Variants in BRAF observed in about 807,000 individuals in gnomAD.
The protein encoded by BRAF is B-Raf proto-oncogene, serine/threonine kinase.
Under a neutral mutation model 104.6 loss-of-function variants are expected in BRAF, and 16 were observed. That is an observed-to-expected ratio of 0.15 (90% CI 0.10 to 0.23). The LOEUF is 0.23. BRAF is among the 10% of genes least tolerant of loss of function. The pLI is 1.00. For synonymous variants in BRAF, 310 were observed against 341.6 expected, an observed-to-expected ratio of 0.91 and a Z score of 1.02; for missense variants, 541 against 937.3, an observed-to-expected ratio of 0.58 and a Z score of 5.52.
intron 1 of BRAF, among the ~76,000 whole-genome samples, chr7:140,857,703 T>C (rs978504554): frequency 3.3e-5 from 5 of 152,154 alleles, no homozygotes; most frequent in Admixed American, 1.3e-4. Context: ...TATCTATTAT[T>C]ATTCAAGAAG....
At chr7:140,804,630 G>A (rs1203267657) in intron 5 of BRAF, among the ~76,000 whole-genome samples, 1 of 151,434 alleles carries the variant, frequency 6.6e-6, no homozygotes. Flanking sequence ...GTTTTTCAGA[G>A]TTTTAATCAC....
At position 140,721,300 on chromosome 7, in the gene BRAF, T is replaced by A; in HGVS notation, c.*5194A>T. 8.6e-7 allele frequency: 1 copy of A among 1,162,546 alleles called. No homozygotes were observed. Among genetic ancestry groups the A allele is most frequent in the South Asian group, 4.4e-5 (1 of 22,886 alleles). The allele number at this position is 1,162,546 out of a possible 1,614,324, so 72.0% of individuals were successfully genotyped here. On this transcript the variant is annotated 3_prime_UTR_variant, in exon 20 of 20. Coordinates refer to ENST00000644969, the MANE Select transcript of BRAF (RefSeq NM_001374258.1). Reference sequence around the variant, plus strand: ...GCCGACTAATTGCCCCATGCATTTTTTTTTTTTAAAGCACTGTTACCTTAA... The same window carrying A: ...GCCGACTAATTGCCCCATGCATTTTATTTTTTTAAAGCACTGTTACCTTAA...
intron 1 of BRAF, among the ~76,000 whole-genome samples, chr7:140,853,320 T>A (rs1809401241): frequency 6.6e-6 from 1 of 151,518 alleles, no homozygotes; most frequent in Admixed American, 6.6e-5. Flanking sequence ...GAGGCTGCAA[T>A]GAGCTGTGAT....
chr7:140,795,064 A>C (rs1332904006), intron 7 of BRAF, among the ~76,000 whole-genome samples: 3 of 152,198 alleles, frequency 2.0e-5, no homozygotes, highest in Non-Finnish European at 4.4e-5. Context: ...CCCATTATTG[A>C]TAACAGAGAC....
In BRAF at chr7:140,720,394, AAACT is replaced by A; in HGVS notation, c.*6096_*6099del. On this transcript the variant is annotated 3_prime_UTR_variant, in exon 20 of 20. Coordinates refer to ENST00000644969, the MANE Select transcript of BRAF (RefSeq NM_001374258.1). ...CACAGAGACATACACCCCTGTATGT[AAACT>A]AACATAACATGAAGATAAATAAGAC... The A allele has an allele frequency of 2.8e-6, 3 of 1,062,164 alleles. No homozygotes were observed. The highest frequency in any genetic ancestry group is 3.4e-6 in the Non-Finnish European group (3 of 877,270). 65.8% of individuals were successfully genotyped at this position (1,062,164 alleles called of 1,614,324 possible).
intron 1 of BRAF, among the ~76,000 whole-genome samples, chr7:140,901,869 T>A (rs1057099522): frequency 4.6e-5 from 7 of 152,236 alleles, no homozygotes; most frequent in African/African-American, 1.4e-4. Context: ...TTTATTTATC[T>A]ACTTCTACCA....
At chr7:140,811,695 T>A (rs573093243) in intron 3 of BRAF, among the ~76,000 whole-genome samples, 1 of 152,266 alleles carries the variant, frequency 6.6e-6, no homozygotes, top group East Asian at 1.9e-4. Context: ...GTACAAAAAA[T>A]TTAGTTTGGT....
intron 13 of BRAF, among the ~76,000 whole-genome samples, chr7:140,777,584 C>G (rs1192206603): frequency 6.6e-6 from 1 of 152,156 alleles, no homozygotes. Context: ...CCCCGTTACA[C>G]CTCTAGAATC....
At chr7:140,902,314 G>A (rs1386275109) in intron 1 of BRAF, among the ~76,000 whole-genome samples, 1 of 152,208 alleles carries the variant, frequency 6.6e-6, no homozygotes, top group African/African-American at 2.4e-5. Flanking sequence ...ATATAAGGCA[G>A]TGAACTTCTT....
intron 3 of BRAF, among the ~76,000 whole-genome samples, chr7:140,832,024 G>C (rs561838479): frequency 1.7e-4 from 26 of 152,052 alleles, no homozygotes; most frequent in Admixed American, 6.5e-5. Flanking sequence ...GCTTATTTAC[G>C]TAACCATTCA....
At chr7:140,875,421 G>A (rs189111931) in intron 1 of BRAF, among the ~76,000 whole-genome samples, 1 of 152,190 alleles carries the variant, frequency 6.6e-6, no homozygotes, top group Non-Finnish European at 1.5e-5. Flanking sequence ...TGTCGCCCAG[G>A]CTGGAGTACA....
intron 1 of BRAF, among the ~76,000 whole-genome samples, chr7:140,904,930 T>C (rs558692570): frequency 1.2e-4 from 17 of 136,954 alleles, no homozygotes; most frequent in African/African-American, 1.4e-4. Flanking sequence ...GTATTAATAG[T>C]TGCTCAATTT....
chr7:140,853,762 C>G (rs1181468992), intron 1 of BRAF, among the ~76,000 whole-genome samples: 1 of 152,068 alleles, frequency 6.6e-6, no homozygotes, highest in East Asian at 1.9e-4. Context: ...CTTCTATGCC[C>G]TTTGTTAATT....
At chr7:140,918,849 T>C (rs1179697064) in intron 1 of BRAF, among the ~76,000 whole-genome samples, 1 of 152,182 alleles carries the variant, frequency 6.6e-6, no homozygotes, top group Non-Finnish European at 1.5e-5. Flanking sequence ...AATTTGGAAT[T>C]TTTATTCTGG....
chr7:140,910,105 T>G lies in BRAF; in HGVS notation c.138+14461A>C, dbSNP rs538051788. On this transcript the variant is annotated intron_variant, in intron 1 of 19. Transcript: ENST00000644969. ...AATACCTCCGAGTATTTCATCTCAT[T>G]GCATGCAATATAAAGTGCACTTTTT... is the stretch of plus-strand genomic sequence containing the variant. Among the ~76,000 whole-genome samples the G allele has an allele frequency of 2.0e-5, 3 of 152,314 alleles. No homozygotes were observed. In the East Asian group the frequency reaches 5.8e-4, roughly 29 times the overall value.
intron 12 of BRAF, among the ~76,000 whole-genome samples, chr7:140,779,110 C>T (rs906194775): frequency 1.3e-5 from 2 of 152,086 alleles, no homozygotes; most frequent in African/African-American, 2.4e-5. Flanking sequence ...TGAAAAGGGC[C>T]GACACAAAAG....
At chr7:140,750,733 A>G (rs1227033660) in intron 16 of BRAF, among the ~76,000 whole-genome samples, 1 of 152,238 alleles carries the variant, frequency 6.6e-6, no homozygotes, top group Non-Finnish European at 1.5e-5. Context: ...TGGCAAAGGT[A>G]TAATGTTCAA....
chr7:140,814,804 A>ATATATAACATATATATATAT (rs1562973219), intron 3 of BRAF, among the ~76,000 whole-genome samples: 32 of 145,500 alleles, frequency 2.2e-4, no homozygotes, highest in African/African-American at 7.8e-4. Context: ...TATATATATT[A>ATATATAACATATATATATAT]TATATAACAT....
chr7:140,747,791 C>T (rs1431856289), intron 17 of BRAF, among the ~76,000 whole-genome samples: 1 of 152,154 alleles, frequency 6.6e-6, no homozygotes, highest in Admixed American at 6.5e-5. Flanking sequence ...TTTGCTACCC[C>T]AACTGCCATT....
Sources: gnomAD v4.1 joint callset for allele counts (sites outside exome capture counted in the v4.1 genomes callset) on GRCh38, gnomAD v4.1.1 for gene constraint, MANE v1.5 for transcripts, NCBI Gene and HGNC (gene_info 2026-07-23, HGNC 2026-07-21) for gene names.